The following FCHSD2 variants were observed in gnomAD, a reference collection of about 807,000 sequenced individuals.
FCHSD2 encodes FCH and double SH3 domains 2, also known as F-BAR and double SH3 domains protein 2.
FCHSD2 carries 38 observed loss-of-function variants against 108.1 expected under a neutral mutation model. The observed-to-expected ratio is 0.35, with a 90% CI of 0.27 to 0.46. The LOEUF (loss-of-function observed/expected upper bound fraction) is 0.46. Ranked by LOEUF, FCHSD2 falls within the 20% of genes least tolerant of loss-of-function variation. The probability of loss-of-function intolerance (pLI) is 1.00; values close to 1 mark genes in which losing one functional copy is unlikely to be tolerated. For synonymous variants in FCHSD2, 279 were observed against 314.7 expected (o/e 0.89, Z 1.20); for missense variants, 751 against 897.8 (o/e 0.84, Z 2.09).
At chr11:72,986,930 T>C (rs1857323033) in intron 6 of FCHSD2, among the ~76,000 whole-genome samples, 1 of 152,150 alleles carries the variant, frequency 6.6e-6, no homozygotes, top group Non-Finnish European at 1.5e-5. Context: ...CAAACTCAAC[T>C]TCTCATCTAT....
chr11:72,990,926 G>C (rs1565357454), intron 5 of FCHSD2, among the ~76,000 whole-genome samples: 1 of 151,998 alleles, frequency 6.6e-6, no homozygotes, highest in Non-Finnish European at 1.5e-5. Context: ...CCAGGAGCTG[G>C]TTTTTTTGAA....
At chr11:73,097,802 G>A (rs771925849) in intron 2 of FCHSD2, among the ~76,000 whole-genome samples, 3 of 151,944 alleles carry the variant, frequency 2.0e-5, no homozygotes, top group Non-Finnish European at 2.9e-5. Flanking sequence ...CTGTAAGGTA[G>A]TAGTATCCCC....
chr11:73,097,063 C>A lies in FCHSD2; in HGVS notation c.120-13323G>T, dbSNP rs1394625497. Among the ~76,000 whole-genome samples, 5 of 120,586 alleles carry A rather than the reference C, an allele frequency of 4.1e-5. No individual in the cohort carries two copies. The Admixed American group carries it at 5.6e-4, about 13-fold the overall frequency. The allele number at this position is 120,586 out of a possible 152,430, so 79.1% of individuals were successfully genotyped here. A position where few individuals can be genotyped will look rare whatever the true frequency, so the allele number is the denominator to read the frequency against. ...GGTCATCCAAGCTGGAGTATAGTGG[C>A]ACAATCTCAGCTCACTGCAGCCTCG... is the stretch of plus-strand genomic sequence containing the variant. On this transcript the variant is annotated intron_variant, in intron 2 of 19. Transcript: ENST00000409418.
intron 3 of FCHSD2, among the ~76,000 whole-genome samples, chr11:73,039,408 C>T (rs61896984): frequency 0.021 from 3,119 of 151,982 alleles, 57 homozygotes; most frequent in Non-Finnish European, 0.03. Context: ...GTCCTAGCTA[C>T]TCCAGAGGCA....
chr11:73,107,949 AT>A, intron 2 of FCHSD2, among the ~76,000 whole-genome samples: 1 of 152,272 alleles, frequency 6.6e-6, no homozygotes, highest in Non-Finnish European at 1.5e-5. Context: ...TGATTGATGG[AT>A]TGTATGGCAA....
intron 3 of FCHSD2, among the ~76,000 whole-genome samples, chr11:73,073,680 G>A (rs770785227): frequency 2.0e-4 from 30 of 152,176 alleles, no homozygotes; most frequent in African/African-American, 5.5e-4. Context: ...TACATTCCTC[G>A]TAATAATTCT....
chr11:72,977,978 G>T (rs1182379835), intron 8 of FCHSD2, among the ~76,000 whole-genome samples: 1 of 152,204 alleles, frequency 6.6e-6, no homozygotes, highest in African/African-American at 2.4e-5. Flanking sequence ...ATACTATGCA[G>T]TCATAAAAAA....
intron 8 of FCHSD2, among the ~76,000 whole-genome samples, chr11:72,969,229 G>A (rs1001042270): frequency 6.6e-6 from 1 of 152,186 alleles, no homozygotes; most frequent in African/African-American, 2.4e-5. Context: ...TATGAGAGAC[G>A]GAGCTGCATT....
At chr11:73,092,445 T>G (rs1381625329) in intron 2 of FCHSD2, among the ~76,000 whole-genome samples, 1 of 152,064 alleles carries the variant, frequency 6.6e-6, no homozygotes, top group Non-Finnish European at 1.5e-5. Flanking sequence ...TGGCCCGGCA[T>G]CTTCTAACAT....
chr11:72,845,154 C>A (rs1038502552), intron 14 of FCHSD2, among the ~76,000 whole-genome samples: 2 of 152,138 alleles, frequency 1.3e-5, no homozygotes, highest in East Asian at 1.9e-4. Context: ...AGTGAGGTGG[C>A]TCACGTCTGT....
chr11:72,989,017 A>C lies in FCHSD2; in HGVS notation c.468T>G (p.Phe156Leu), dbSNP rs1297964215. The change falls in exon 6 of 20, where the codon TTT becomes TTG. Residue 156 changes from phenylalanine (F) to leucine (L), a missense_variant. Transcript: ENST00000409418. Reference protein sequence around the residue: ...KDLAKGKKKYFETEQMAHAVR... With the variant: ...KDLAKGKKKYLETEQMAHAVR... ...CTGCATGAGCCATCTGTTCAGTCTC[A>C]AAGTATTTCTTTTTGCCTTTAGCTA... 6 of 1,612,260 alleles carry C rather than the reference A, an allele frequency of 3.7e-6. No individual in the cohort carries two copies. The highest frequency in any genetic ancestry group is 2.2e-5 in the East Asian group (1 of 44,846).
At chr11:73,135,074 G>A (rs955096599) in intron 2 of FCHSD2, among the ~76,000 whole-genome samples, 5 of 152,224 alleles carry the variant, frequency 3.3e-5, no homozygotes, top group African/African-American at 4.8e-5. Context: ...GGCTGGTCTC[G>A]AACTCCTGAC....
At chr11:73,059,184 T>A (rs932896928) in intron 3 of FCHSD2, among the ~76,000 whole-genome samples, 1 of 152,184 alleles carries the variant, frequency 6.6e-6, no homozygotes, top group Non-Finnish European at 1.5e-5. Context: ...CCATTTGGGA[T>A]GAAAGCAAAA....
At chr11:72,865,929 T>C (rs1176188077) in intron 13 of FCHSD2, among the ~76,000 whole-genome samples, 2 of 152,224 alleles carry the variant, frequency 1.3e-5, no homozygotes, top group Non-Finnish European at 2.9e-5. Flanking sequence ...TCTCCTAGCT[T>C]GTAAATTCTA....
At chr11:73,071,516 C>G (rs1859434502) in intron 3 of FCHSD2, among the ~76,000 whole-genome samples, 1 of 151,284 alleles carries the variant, frequency 6.6e-6, no homozygotes, top group Admixed American at 6.6e-5. Flanking sequence ...ATGGTGAAAC[C>G]CTGTTTCTAC....
At chr11:72,873,345 G>T (rs147088353) in intron 12 of FCHSD2, among the ~76,000 whole-genome samples, 483 of 151,018 alleles carry the variant, frequency 3.2e-3, no homozygotes, top group African/African-American at 0.011. Flanking sequence ...AAAAAAAAAT[G>T]AATCTTTTCA....
chr11:73,012,285 A>G (rs1857880003), intron 4 of FCHSD2, among the ~76,000 whole-genome samples: 1 of 152,202 alleles, frequency 6.6e-6, no homozygotes, highest in African/African-American at 2.4e-5. Flanking sequence ...TACAGACTGC[A>G]TGTATATAAT....
intron 13 of FCHSD2, among the ~76,000 whole-genome samples, chr11:72,862,930 T>C (rs1485259636): frequency 6.6e-6 from 1 of 152,038 alleles, no homozygotes; most frequent in South Asian, 2.1e-4. Context: ...ACATATATGA[T>C]TAATTTTTTT....
At chr11:73,013,226 G>A (rs1330782496) in intron 4 of FCHSD2, among the ~76,000 whole-genome samples, 1 of 152,126 alleles carries the variant, frequency 6.6e-6, no homozygotes, top group Non-Finnish European at 1.5e-5. Context: ...CAACCCTACT[G>A]AACTGTTACC....
Sources: allele counts gnomAD v4.1 joint callset (sites outside exome capture counted in the v4.1 genomes callset), GRCh38; gene constraint gnomAD v4.1.1; transcripts MANE v1.5; gene names NCBI Gene and HGNC (gene_info 2026-07-23, HGNC 2026-07-21).